The following CACNA1S variants were observed in gnomAD, a reference collection of about 807,000 sequenced individuals.
CACNA1S encodes the protein voltage-dependent L-type calcium channel subunit alpha-1S.
CACNA1S carries 126 observed loss-of-function variants against 207.4 expected under a neutral mutation model. The observed-to-expected ratio is 0.61, with a 90% CI of 0.53 to 0.70. CACNA1S has a LOEUF of 0.70. Ranked by LOEUF, CACNA1S falls within the 30% of genes least tolerant of loss-of-function variation. The pLI is 0.00. For synonymous variants in CACNA1S, 960 were observed against 932.7 expected (o/e 1.03, Z -0.53); for missense variants, 2,349 against 2,422.8 (o/e 0.97, Z 0.64).
chr1:201,074,173 CG>C (rs1412638891), intron 14 of CACNA1S, among the ~76,000 whole-genome samples: 2 of 139,928 alleles, frequency 1.4e-5, no homozygotes, highest in Non-Finnish European at 3.4e-5. Context: ...ACTCCAACCC[CG>C]CCCAGAGGCA....
intron 27 of CACNA1S, among the ~76,000 whole-genome samples, chr1:201,058,720 T>TG (rs897524972): frequency 9.9e-5 from 15 of 151,668 alleles, no homozygotes; most frequent in African/African-American, 3.4e-4. Flanking sequence ...AAAGTAGTGG[T>TG]GGGGGGGAGG....
In CACNA1S at chr1:201,083,370, C is replaced by A. The variant is rs1464459368; in HGVS notation, c.1233-48G>T. On this transcript the variant is annotated intron_variant, in intron 9 of 43. Coordinates refer to ENST00000362061, the MANE Select transcript of CACNA1S (RefSeq NM_000069.3). ...GTCTACAGTGCTGTGCTGTTCTACG[C>A]CCCACCTGTCCAAGCTACCTTCAGA... is the stretch of plus-strand genomic sequence containing the variant. The A allele has an allele frequency of 1.9e-6, 3 of 1,594,874 alleles. 1 individual carries two copies. Among genetic ancestry groups the A allele is most frequent in the Non-Finnish European group, 2.6e-6 (3 of 1,162,514 alleles).
At position 201,065,964 on chromosome 1, in the gene CACNA1S, A is replaced by G. The variant is rs758318409; in HGVS notation, c.2746-19T>C. On this transcript the variant is annotated intron_variant, in intron 21 of 43. Coordinates refer to ENST00000362061, the MANE Select transcript of CACNA1S (RefSeq NM_000069.3). ...CCACGTGCTGGGGACAGAGGGGCCA[A>G]TGGGGACTGGGGGTGCACCCACAGT... The G allele has an allele frequency of 6.4e-7, 1 of 1,553,652 alleles. No homozygotes were observed. Among genetic ancestry groups the G allele is most frequent in the Non-Finnish European group, 8.9e-7 (1 of 1,127,678 alleles).
intron 7 of CACNA1S, among the ~76,000 whole-genome samples, chr1:201,085,948 T>C (rs776235120): frequency 7.9e-5 from 12 of 152,228 alleles, no homozygotes; most frequent in South Asian, 2.1e-4. Flanking sequence ...TTGGCCATAC[T>C]GCCCCAACCC....
At chr1:201,050,074 C>T (rs1660601344) in intron 34 of CACNA1S, among the ~76,000 whole-genome samples, 1 of 152,188 alleles carries the variant, frequency 6.6e-6, no homozygotes, top group Non-Finnish European at 1.5e-5. Flanking sequence ...AGCTCAGCTT[C>T]TGCTGGTCAG....
In CACNA1S at chr1:201,111,015, T is replaced by C. The variant is rs1276245494; in HGVS notation, c.153-746A>G. Among the ~76,000 whole-genome samples, 6 of 152,128 alleles carry C rather than the reference T, an allele frequency of 3.9e-5. No homozygotes were observed. In the South Asian group the frequency reaches 1.2e-3, roughly 32 times the overall value. ...GGCTTGACAGAAAAATCCCATTCTC[T>C]TCCCAGTAACCTCCAGTGTTTGAGA... On this transcript the variant is annotated intron_variant, in intron 1 of 43. Coordinates refer to ENST00000362061, the MANE Select transcript of CACNA1S (RefSeq NM_000069.3).
chr1:201,081,074 T>C (rs1416962281), intron 10 of CACNA1S, among the ~76,000 whole-genome samples: 1 of 152,138 alleles, frequency 6.6e-6, no homozygotes, highest in Non-Finnish European at 1.5e-5. Flanking sequence ...CCTGGCCCAG[T>C]GAGATTTTGG....
At chr1:201,077,729 G>A (rs1055578898) in intron 11 of CACNA1S, 150 bp downstream of exon 11, 24 of 613,104 alleles carry the variant, frequency 3.9e-5, no homozygotes, top group East Asian at 8.3e-5. Flanking sequence ...CACAGAAGGA[G>A]GTTATTTCAA....
At chr1:201,044,560 G>T (rs1367739230) in intron 38 of CACNA1S, 104 bp from the exon 39 acceptor site, 8 of 1,351,070 alleles carry the variant, frequency 5.9e-6, no homozygotes, top group Non-Finnish European at 8.2e-6. Flanking sequence ...GCCCAGGCTG[G>T]AGTGCAGTGG....
intron 22 of CACNA1S, among the ~76,000 whole-genome samples, chr1:201,063,445 A>G (rs1215171747): frequency 2.6e-5 from 4 of 151,952 alleles, no homozygotes; most frequent in African/African-American, 9.7e-5. Context: ...ATGTGCCATC[A>G]TGCCCAGCTA....
rs1660761360 is a variant in CACNA1S, at chr1:201,054,411, A to C, written c.3666+94T>G. ...GGGAGGGAGCCCTGAGTGCTGATCC[A>C]CCCCATGCAATCCACGCAGCCAGGC... On this transcript the variant is annotated intron_variant, in intron 29 of 43. Coordinates refer to ENST00000362061, the MANE Select transcript of CACNA1S (RefSeq NM_000069.3). 7 of 1,308,444 alleles carry C rather than the reference A, an allele frequency of 5.3e-6. No homozygotes were observed. The South Asian group carries it at 8.3e-5, about 16-fold the overall frequency. 81.1% of individuals were successfully genotyped at this position (1,308,444 alleles called of 1,614,324 possible).
Position 201,078,119 on chromosome 1 carries a change from G to A in CACNA1S, c.1394-15C>T, listed in dbSNP as rs748738216. Reference sequence around the variant, plus strand: ...GTTGGCAATGTCTGTAGGGTTGGTGGCACAGCCCCGGCATCACTCTCCTTC... The same window carrying A: ...GTTGGCAATGTCTGTAGGGTTGGTGACACAGCCCCGGCATCACTCTCCTTC... On this transcript the variant is annotated splice_polypyrimidine_tract_variant and intron_variant, in intron 10 of 43. Transcript: ENST00000362061. 11 of 1,586,298 alleles carry A rather than the reference G, an allele frequency of 6.9e-6. No homozygotes were observed. In the East Asian group the frequency reaches 2.2e-4, roughly 32 times the overall value.
At chr1:201,062,383 A>G in intron 23 of CACNA1S, 79 bp downstream of exon 23, 1 of 1,404,214 alleles carries the variant, frequency 7.1e-7, no homozygotes, top group Non-Finnish European at 1.0e-6. Flanking sequence ...TAACCCTCCC[A>G]CAGTGCTCCC....
intron 15 of CACNA1S, among the ~76,000 whole-genome samples, chr1:201,073,197 G>A (rs1002664467): frequency 1.3e-5 from 2 of 152,220 alleles, no homozygotes; most frequent in African/African-American, 4.8e-5. Flanking sequence ...GGTGAGCAGA[G>A]TCAGATGGGA....
At chr1:201,044,222 C>T (rs1660393721) in intron 39 of CACNA1S, 106 bp downstream of exon 39, 1 of 1,436,836 alleles carries the variant, frequency 7.0e-7, no homozygotes, top group South Asian at 1.2e-5. Context: ...GTATCTTCAG[C>T]TCCCATGTCC....
intron 37 of CACNA1S, 88 bp downstream of exon 37, chr1:201,047,437 C>A: frequency 7.6e-7 from 1 of 1,311,312 alleles, no homozygotes; most frequent in Non-Finnish European, 1.1e-6. Context: ...CTGGTCCGTT[C>A]TCAGATTCCC....
chr1:201,047,049 A>T lies in CACNA1S; in HGVS notation c.4668+66T>A, dbSNP rs1660493634. On this transcript the variant is annotated intron_variant, in intron 38 of 43. Transcript: ENST00000362061. ...ATTGGCCCCTCAAGGACATGGAAGG[A>T]TAACTAGAGTCTGGAGACCTGGCTC... The T allele has an allele frequency of 2.5e-6, 4 of 1,605,530 alleles. No individual in the cohort carries two copies. The Admixed American group carries it at 6.7e-5, about 27-fold the overall frequency.
At chr1:201,098,001 C>A (rs573609386) in intron 2 of CACNA1S, among the ~76,000 whole-genome samples, 10 of 152,258 alleles carry the variant, frequency 6.6e-5, no homozygotes, top group South Asian at 4.2e-4. Flanking sequence ...ATCACTGAGA[C>A]CTTCCTGGCT....
In CACNA1S at chr1:201,069,693, C is replaced by T. The variant is rs1661385399; in HGVS notation, c.2361-92G>A. 3 of 1,447,026 alleles carry T rather than the reference C, an allele frequency of 2.1e-6. No homozygotes were observed. The South Asian group carries it at 3.7e-5, about 18-fold the overall frequency. The allele number at this position is 1,447,026 out of a possible 1,614,324, so 89.6% of individuals were successfully genotyped here. A position where few individuals can be genotyped will look rare whatever the true frequency, so the allele number is the denominator to read the frequency against. On this transcript the variant is annotated intron_variant, in intron 17 of 43. Transcript: ENST00000362061. ...CCATCCTGCGGACGAACATGGAATA[C>T]ACCTCCTGCTCCTCCCTGGCCAGGA...
Sources: allele counts gnomAD v4.1 joint callset (sites outside exome capture counted in the v4.1 genomes callset), GRCh38; gene constraint gnomAD v4.1.1; transcripts MANE v1.5; gene names NCBI Gene and HGNC (gene_info 2026-07-23, HGNC 2026-07-21).